The following NPHP3 variants were observed in gnomAD, a reference collection of about 807,000 sequenced individuals.
NPHP3 encodes nephrocystin 3, also known as nephrocystin-3.
A neutral mutation model predicts 171.9 loss-of-function variants in NPHP3; 123 were observed. That is an observed-to-expected ratio of 0.72 (90% confidence interval 0.62 to 0.83). The LOEUF is 0.83. Among genes scored for constraint, NPHP3 ranks in the 40% least tolerant of loss-of-function variants. NPHP3 has a pLI of 0.00. For synonymous variants in NPHP3, 558 were observed against 579.2 expected (o/e 0.96, Z 0.52); for missense variants, 1,506 against 1,591.9 (o/e 0.95, Z 0.92).
chr3:132,716,659 T>G, intron 4 of NPHP3, 98 bp downstream of exon 4: 1 of 1,352,220 alleles, frequency 7.4e-7, no homozygotes, highest in Admixed American at 1.7e-5. Flanking sequence ...AACACAAATT[T>G]CATGCTTTGC....
rs371290162 is a variant in NPHP3 at position 132,722,033 on chromosome 3, T to A, written c.323A>T (p.Glu108Val). 7.4e-6 allele frequency: 12 copies of A among 1,613,054 alleles called. No individual in the cohort carries two copies. The highest frequency in any genetic ancestry group is 1.0e-5 in the Non-Finnish European group (12 of 1,179,846). Residue 108 changes from glutamate to valine, a missense_variant, in exon 1 of 27, where the codon GAG becomes GTG. By Grantham distance (121) the Glu-to-Val change is moderately radical. Around this residue, in one of 3 missense-constraint regions of NPHP3, gnomAD observed 930 missense variants for 924.9 expected, o/e 1.01. Coordinates refer to ENST00000337331, the MANE Select transcript of NPHP3 (RefSeq NM_153240.5). ...CTCGCGGCGGCCCATGGACAACAAC[T>A]CCTGGTTCTTGCTGACGCGAAAGAT... ...YEIFRVSKNQ[E>V]LLSMGRREAK...
At chr3:132,711,167 T>C (rs1237688726) in intron 6 of NPHP3, among the ~76,000 whole-genome samples, 5 of 152,158 alleles carry the variant, frequency 3.3e-5, no homozygotes, top group Non-Finnish European at 5.9e-5. Flanking sequence ...GTCATCAGGG[T>C]AGGCGAAGGA....
Position 132,684,911 on chromosome 3 carries a change from G to C in NPHP3, c.3330-117C>G, listed in dbSNP as rs202205704. ...TATTCTTAGATTCTAGTTAAAATAA[G>C]AGATTCAGCTCAAAATCTTACTTTC... On this transcript the variant is annotated intron_variant, in intron 23 of 26. Coordinates refer to ENST00000337331, the MANE Select transcript of NPHP3 (RefSeq NM_153240.5). The C allele has an allele frequency of 2.0e-4, 251 of 1,267,450 alleles. 1 individual carries two copies. The highest frequency in any genetic ancestry group is 1.3e-3 in the East Asian group (53 of 41,218). 78.5% of individuals were successfully genotyped at this position (1,267,450 alleles called of 1,614,324 possible). A position where few individuals can be genotyped will look rare whatever the true frequency, so the allele number is the denominator to read the frequency against.
chr3:132,697,556 A>T (rs1939488629), intron 13 of NPHP3, among the ~76,000 whole-genome samples, 194 bp from the exon 14 acceptor site: 1 of 152,204 alleles, frequency 6.6e-6, no homozygotes, highest in South Asian at 2.1e-4. Context: ...TACTTTGAGC[A>T]ATGAATCACA....
At chr3:132,688,347 A>G (rs924118138) in intron 21 of NPHP3, among the ~76,000 whole-genome samples, 3 of 152,178 alleles carry the variant, frequency 2.0e-5, no homozygotes, top group Admixed American at 2.0e-4. Context: ...AATCCTGAAC[A>G]TTTCTGGTTC....
At chr3:132,687,824 T>C (rs1208825236) in intron 21 of NPHP3, among the ~76,000 whole-genome samples, 1 of 152,240 alleles carries the variant, frequency 6.6e-6, no homozygotes, top group Non-Finnish European at 1.5e-5. Context: ...CTTTTTATTA[T>C]ACCAGAGATT....
Position 132,681,989 on chromosome 3 carries a change from C to T in NPHP3, c.3914G>A (p.Arg1305His), listed in dbSNP as rs781537576. The change falls in exon 27 of 27, where the codon CGC becomes CAC. Residue 1305 changes from arginine to histidine, a missense_variant. Transcript: ENST00000337331. ...AAACGTGTCTCCACTTGATGAATGG[C>T]GTGAAGGAGCTTTTCCACCCAAGAG... ...TSLLGGKAPS[R>H]HSSSGDTFSL... 2.5e-6 allele frequency: 4 copies of T among 1,613,954 alleles called. No homozygotes were observed. Among genetic ancestry groups the T allele is most frequent in the South Asian group, 2.2e-5 (2 of 91,084 alleles).
In NPHP3 at chr3:132,722,316, C is replaced by G. The variant is rs761435204; in HGVS notation, c.40G>C (p.Glu14Gln). ...ASSLVSPAGGEVIEDTYGAGG... is the reference protein window; with the variant it reads ...ASSLVSPAGGQVIEDTYGAGG... ...GCCCCGTACGTGTCCTCGATCACTT[C>G]CCCGCCCGCGGGGCTCACGAGCGAC... Residue 14 changes from glutamate (E) to glutamine (Q), a missense_variant, in exon 1 of 27, where the codon GAA becomes CAA. Transcript: ENST00000337331. The G allele has an allele frequency of 6.3e-7, 1 of 1,581,734 alleles. No individual in the cohort carries two copies. The highest frequency in any genetic ancestry group is 8.5e-7 in the Non-Finnish European group (1 of 1,173,076).
At chr3:132,698,758 C>G (rs1253959923) in intron 13 of NPHP3, among the ~76,000 whole-genome samples, 1 of 152,166 alleles carries the variant, frequency 6.6e-6, no homozygotes, top group Non-Finnish European at 1.5e-5. Context: ...TCACCTTTTC[C>G]CCACAACCTG....
intron 14 of NPHP3, among the ~76,000 whole-genome samples, 172 bp from the exon 15 acceptor site, chr3:132,696,985 C>A (rs1939470859): frequency 6.6e-6 from 1 of 152,242 alleles, no homozygotes; most frequent in East Asian, 1.9e-4. Context: ...AGCCTTCCAA[C>A]TGCAGACCAC....
At chr3:132,687,083 G>A (rs1301929345) in intron 22 of NPHP3, 68 bp downstream of exon 22, 3 of 761,140 alleles carry the variant, frequency 3.9e-6, no homozygotes, top group East Asian at 5.0e-5. Context: ...AACATGTGGG[G>A]TGTATGCATT....
At chr3:132,714,359 A>G (rs1274847292) in intron 5 of NPHP3, among the ~76,000 whole-genome samples, 1 of 152,100 alleles carries the variant, frequency 6.6e-6, no homozygotes, top group Non-Finnish European at 1.5e-5. Flanking sequence ...CCTTAGAATA[A>G]CTCCAACGGC....
intron 7 of NPHP3, among the ~76,000 whole-genome samples, chr3:132,706,588 A>T (rs1343265737): frequency 1.3e-5 from 2 of 152,164 alleles, no homozygotes; most frequent in African/African-American, 2.4e-5. Flanking sequence ...CCAATCTGTA[A>T]GAACATGTCT....
intron 7 of NPHP3, among the ~76,000 whole-genome samples, chr3:132,707,796 A>T (rs1350180809): frequency 6.6e-6 from 1 of 152,084 alleles, no homozygotes; most frequent in Non-Finnish European, 1.5e-5. Flanking sequence ...ATGACCACCT[A>T]TTCTCAACAT....
chr3:132,694,447 C>T (rs1384331170), intron 16 of NPHP3, among the ~76,000 whole-genome samples: 1 of 150,796 alleles, frequency 6.6e-6, no homozygotes, highest in Non-Finnish European at 1.5e-5. Flanking sequence ...ATGAATGATA[C>T]CATACAGTTA....
chr3:132,694,169 T>C (rs1181976499), intron 16 of NPHP3, among the ~76,000 whole-genome samples: 1 of 152,076 alleles, frequency 6.6e-6, no homozygotes, highest in Non-Finnish European at 1.5e-5. Context: ...GTGAGCTTGA[T>C]ATTTGTCAGT....
Position 132,704,184 on chromosome 3 carries a change from C to T in NPHP3, c.1524+14G>A. The T allele has an allele frequency of 6.2e-7, 1 of 1,613,238 alleles. No homozygotes were observed. Among genetic ancestry groups the T allele is most frequent in the Non-Finnish European group, 8.5e-7 (1 of 1,179,198 alleles). On this transcript the variant is annotated intron_variant, in intron 9 of 26. Transcript: ENST00000337331. ...GTGACAGATCTTTGTTGCAATAATA[C>T]TCCAAGCACTTACTTTCTCAAATCC...
Position 132,713,304 on chromosome 3 carries a change from C to T in NPHP3, c.958-18G>A, listed in dbSNP as rs1370146047. ...GAATAGTCCTAAAAACAAATGAAAA[C>T]ATACAAAAGTTTAATGTATTTAACT... is the stretch of plus-strand genomic sequence containing the variant. On this transcript the variant is annotated intron_variant, in intron 5 of 26. Coordinates refer to ENST00000337331, the MANE Select transcript of NPHP3 (RefSeq NM_153240.5). 1.3e-6 allele frequency: 2 copies of T among 1,555,566 alleles called. No homozygotes were observed. Among genetic ancestry groups the T allele is most frequent in the Non-Finnish European group, 1.8e-6 (2 of 1,139,714 alleles).
intron 16 of NPHP3, chr3:132,693,551 C>T (rs1316442566): frequency 6.6e-6 from 1 of 152,186 alleles, no homozygotes; most frequent in Non-Finnish European, 1.5e-5. Context: ...ACCCTGGGAA[C>T]CACCAAGCTG....
Sources: gnomAD v4.1 joint callset for allele counts (sites outside exome capture counted in the v4.1 genomes callset) on GRCh38, gnomAD v4.1.1 for gene constraint, gnomAD v4.1.1 regional missense constraint, MANE v1.5 for transcripts, NCBI Gene and HGNC (gene_info 2026-07-23, HGNC 2026-07-21) for gene names.